Variants in RRM1 observed in about 807,000 individuals in gnomAD.
The protein encoded by RRM1 is ribonucleoside-diphosphate reductase large subunit.
A neutral mutation model predicts 101.5 loss-of-function variants in RRM1; 19 were observed. The observed-to-expected ratio is 0.19, with a 90% CI of 0.13 to 0.27. The LOEUF (loss-of-function observed/expected upper bound fraction) is 0.27, where lower values mean the gene tolerates loss of function less well. Ranked by LOEUF, RRM1 falls within the 10% of genes least tolerant of loss-of-function variation. The pLI, the probability that RRM1 is intolerant of heterozygous loss-of-function variation, is 1.00. For synonymous variants in RRM1, 298 were observed against 323.4 expected, an observed-to-expected ratio of 0.92 and a Z score of 0.84; for missense variants, 500 against 962.9, an observed-to-expected ratio of 0.52 and a Z score of 6.36.
In RRM1 at chr11:4,132,537, A is replaced by G. The variant is rs10835662; in HGVS notation, c.1905+116A>G. On this transcript the variant is annotated intron_variant, in intron 16 of 18. Coordinates refer to ENST00000300738, the MANE Select transcript of RRM1 (RefSeq NM_001033.5). This position sits in a 1 kb window ranked among gnomAD's most constrained non-coding sequence, Gnocchi z 4.1. ...CTTAGTTTGGGTGCAAACTTTGATA[A>G]AGACAGTCATCTTCATCTCTAATAT... 853,625 of 939,834 alleles carry G rather than the reference A, an allele frequency of 0.91. 388,813 individuals carry two copies. Among genetic ancestry groups the G allele is most frequent in the South Asian group, 0.94 (59,427 of 63,116 alleles). The allele number at this position is 939,834 out of a possible 1,614,324, so 58.2% of individuals were successfully genotyped here. A position where few individuals can be genotyped will look rare whatever the true frequency, so the allele number is the denominator to read the frequency against.
rs763024799 is a variant in RRM1, at chr11:4,111,656, G to A, written c.487+16G>A. The A allele has an allele frequency of 1.3e-6, 2 of 1,587,354 alleles. No homozygotes were observed. Among genetic ancestry groups the A allele is most frequent in the South Asian group, 2.3e-5 (2 of 88,378 alleles). On this transcript the variant is annotated intron_variant, in intron 6 of 18. Coordinates refer to ENST00000300738, the MANE Select transcript of RRM1 (RefSeq NM_001033.5). ...AATGGAAAAGGTGAGAAATGAACAT[G>A]TTTGTCTGTTACATTTTCTACTCAT...
chr11:4,098,584 A>ATC, intron 1 of RRM1, among the ~76,000 whole-genome samples: 2 of 152,230 alleles, frequency 1.3e-5, no homozygotes, highest in Non-Finnish European at 2.9e-5. Context: ...ATAAAGAAGT[A>ATC]ATATGATAAA....
chr11:4,097,894 A>G (rs773894581), intron 1 of RRM1, among the ~76,000 whole-genome samples: 24 of 152,244 alleles, frequency 1.6e-4, no homozygotes, highest in Non-Finnish European at 3.1e-4. Context: ...TAAAATTGTT[A>G]GGGATTTAGG....
At position 4,133,980 on chromosome 11, in the gene RRM1, A is replaced by ATTTTTTTTTTTTTTTTTTT; in HGVS notation, c.2001+328_2001+346dup. Among the ~76,000 whole-genome samples, 2 of 90,866 alleles carry ATTTTTTTTTTTTTTTTTTT rather than the reference A, an allele frequency of 2.2e-5. 1 individual carries two copies. Among genetic ancestry groups the ATTTTTTTTTTTTTTTTTTT allele is most frequent in the African/African-American group, 9.0e-5 (2 of 22,214 alleles). 59.6% of individuals were successfully genotyped at this position (90,866 alleles called of 152,430 possible). On this transcript the variant is annotated intron_variant, in intron 17 of 18. Coordinates refer to ENST00000300738, the MANE Select transcript of RRM1 (RefSeq NM_001033.5). ...GTCTAGGAACAGGAACCAGACATCAATTTTTTTTTTTTTTTTTTTTTTTTG... is the reference window on the plus strand; with the variant it reads ...GTCTAGGAACAGGAACCAGACATCAATTTTTTTTTTTTTTTTTTTTTTTTTTTTTTTTTTTTTTTTTTTG...
intron 1 of RRM1, among the ~76,000 whole-genome samples, chr11:4,101,673 A>G (rs2094551622): frequency 2.6e-5 from 4 of 151,498 alleles, no homozygotes. Flanking sequence ...ATCATAAGCC[A>G]CTATTAGGAG....
At chr11:4,111,531 G>C (rs751431074) in intron 5 of RRM1, 70 bp from the exon 6 acceptor site, 1 of 992,930 alleles carries the variant, frequency 1.0e-6, no homozygotes, top group Non-Finnish European at 1.5e-6. Context: ...TTGCCTTATT[G>C]TGGATGATAT....
At chr11:4,123,495 T>C in intron 12 of RRM1, 111 bp downstream of exon 12, 1 of 836,712 alleles carries the variant, frequency 1.2e-6, no homozygotes, top group Non-Finnish European at 2.0e-6. Context: ...GTTTGCATAG[T>C]TGTAAGCAGA....
chr11:4,127,602 G>T (rs1236760991), intron 14 of RRM1, among the ~76,000 whole-genome samples: 1 of 152,198 alleles, frequency 6.6e-6, no homozygotes, highest in Admixed American at 6.5e-5. Context: ...CTCTTCTAGT[G>T]CCTCTGGAGG....
Position 4,131,703 on chromosome 11 carries a change from C to G in RRM1, c.1770-583C>G, listed in dbSNP as rs1213977562. Among the ~76,000 whole-genome samples, 4 of 152,250 alleles carry G rather than the reference C, an allele frequency of 2.6e-5. No individual in the cohort carries two copies. The East Asian group carries it at 7.7e-4, about 29-fold the overall frequency. On this transcript the variant is annotated intron_variant, in intron 15 of 18. Transcript: ENST00000300738. ...AGATAGTGTATTTTCTCTTATTAGT[C>G]AAAAGATGTTAACCTTCTTGCAGGA...
chr11:4,102,460 C>A (rs1020220149), intron 2 of RRM1, among the ~76,000 whole-genome samples: 6 of 152,066 alleles, frequency 3.9e-5, no homozygotes, highest in African/African-American at 1.2e-4. Context: ...GAGTTCAAGA[C>A]CAGCCTGGCC....
chr11:4,105,573 CT>C, intron 2 of RRM1: 1 of 319,354 alleles, frequency 3.1e-6, no homozygotes, highest in Non-Finnish European at 5.7e-6. Flanking sequence ...TTTCTTTTTT[CT>C]TTCCTTTTTT....
chr11:4,129,190 G>T, intron 15 of RRM1, 40 bp downstream of exon 15: 1 of 1,197,786 alleles, frequency 8.3e-7, no homozygotes, highest in Non-Finnish European at 1.2e-6. Context: ...AGGCAGAAGG[G>T]TTTAGGTTCA....
rs974585467 is a variant in RRM1 at position 4,094,832 on chromosome 11, G to C, written c.-181G>C. The C allele has an allele frequency of 4.7e-6, 3 of 633,562 alleles. No individual in the cohort carries two copies. In the Admixed American group the frequency reaches 8.3e-5, roughly 18 times the overall value. 39.2% of individuals were successfully genotyped at this position (633,562 alleles called of 1,614,324 possible). ...GCGTCACGGGTGGCGGGCGCGGGAA[G>C]GGGATTTGGATTGTTGCGCCTCTGC... On this transcript the variant is annotated 5_prime_UTR_variant, in exon 1 of 19. Coordinates refer to ENST00000300738, the MANE Select transcript of RRM1 (RefSeq NM_001033.5).
intron 1 of RRM1, among the ~76,000 whole-genome samples, chr11:4,097,163 G>A (rs2094544755): frequency 6.6e-6 from 1 of 150,454 alleles, no homozygotes; most frequent in Admixed American, 6.6e-5. Flanking sequence ...GTTTGCACCT[G>A]TAATCCCAGC....
At chr11:4,115,520 A>G (rs1836377673) in intron 7 of RRM1, among the ~76,000 whole-genome samples, 1 of 152,060 alleles carries the variant, frequency 6.6e-6, no homozygotes, top group Non-Finnish European at 1.5e-5. Flanking sequence ...AAAAAAAAAA[A>G]AAAGTGAGTT....
intron 3 of RRM1, among the ~76,000 whole-genome samples, chr11:4,106,616 T>TG (rs1248515743): frequency 1.3e-5 from 2 of 151,878 alleles, no homozygotes; most frequent in Non-Finnish European, 2.9e-5. Context: ...GGCGTGGTGG[T>TG]GGGGGCCTGT....
At chr11:4,118,106 G>A (rs960754009) in intron 7 of RRM1, among the ~76,000 whole-genome samples, 1 of 152,088 alleles carries the variant, frequency 6.6e-6, no homozygotes, top group South Asian at 2.1e-4. Context: ...TTACTATCTA[G>A]GGGAGGCAGC....
intron 5 of RRM1, among the ~76,000 whole-genome samples, chr11:4,111,027 T>C (rs1380906689): frequency 6.6e-6 from 1 of 151,998 alleles, no homozygotes; most frequent in East Asian, 1.9e-4. Context: ...TGTTAATGTG[T>C]GTAGAGCTGG....
At chr11:4,137,020 C>G in intron 18 of RRM1, 1 of 170,708 alleles carries the variant, frequency 5.9e-6, no homozygotes, top group Non-Finnish European at 1.2e-5. Flanking sequence ...GCACATCTTG[C>G]ACCGCCCTTA....
Sources: gnomAD v4.1 joint callset for allele counts (sites outside exome capture counted in the v4.1 genomes callset) on GRCh38, gnomAD v4.1.1 for gene constraint, Gnocchi (gnomAD v3.1) non-coding constraint, MANE v1.5 for transcripts, NCBI Gene and HGNC (gene_info 2026-07-23, HGNC 2026-07-21) for gene names.